KIF1B: variants seen among roughly 807,000 people sequenced by gnomAD.
KIF1B encodes kinesin-like protein KIF1B.
KIF1B carries 76 observed loss-of-function variants against 241.9 expected under a neutral mutation model. That is an observed-to-expected ratio of 0.31 (90% CI 0.26 to 0.38). The LOEUF (loss-of-function observed/expected upper bound fraction) is 0.38. Ranked by LOEUF, KIF1B falls within the 10% of genes least tolerant of loss-of-function variation. The pLI, the probability that KIF1B is intolerant of heterozygous loss-of-function variation, is 1.00. For synonymous variants in KIF1B, 750 were observed against 796.7 expected, an observed-to-expected ratio of 0.94 and a Z score of 0.99; for missense variants, 1,622 against 2,271.4, an observed-to-expected ratio of 0.71 and a Z score of 5.81.
intron 22 of KIF1B, chr1:10,306,047 C>G (rs926463283): frequency 9.6e-7 from 1 of 1,046,658 alleles, no homozygotes; most frequent in Non-Finnish European, 1.2e-6. Flanking sequence ...TTTTCCTTTG[C>G]GTGTGGGCAC....
At chr1:10,350,947 G>A (rs1287010471) in intron 37 of KIF1B, among the ~76,000 whole-genome samples, 1 of 151,988 alleles carries the variant, frequency 6.6e-6, no homozygotes, top group South Asian at 2.1e-4. Context: ...AATAAGCTGG[G>A]TGTGGTGGCT....
At chr1:10,229,323 A>T (rs1194157697) in intron 1 of KIF1B, among the ~76,000 whole-genome samples, 1 of 152,210 alleles carries the variant, frequency 6.6e-6, no homozygotes, top group Non-Finnish European at 1.5e-5. Flanking sequence ...AAACAAAAAA[A>T]TCAGTAAACT....
Position 10,311,017 on chromosome 1 carries a change from A to G in KIF1B, c.2116-9026A>G, listed in dbSNP as rs1651042576. ...ACTGGGCTTTCCCTCCTGTTAGTGG[A>G]TAAACTGTCCTTGATCCTCTCCTAG... On this transcript the variant is annotated intron_variant, in intron 22 of 48. Coordinates refer to ENST00000676179, the MANE Select transcript of KIF1B (RefSeq NM_001365951.3). Among the ~76,000 whole-genome samples the G allele has an allele frequency of 2.0e-5, 3 of 151,482 alleles. No individual in the cohort carries two copies. In the South Asian group the frequency reaches 6.2e-4, roughly 31 times the overall value.
At chr1:10,275,378 AT>A (rs761728682) in intron 10 of KIF1B, 49 bp from the exon 11 acceptor site, 5 of 1,025,550 alleles carry the variant, frequency 4.9e-6, no homozygotes, top group Non-Finnish European at 4.6e-6. Flanking sequence ...TTTCTTGGGA[AT>A]TTTTTTCCCT....
chr1:10,219,317 G>A (rs973147399), intron 1 of KIF1B, among the ~76,000 whole-genome samples: 2 of 151,820 alleles, frequency 1.3e-5, no homozygotes, highest in Non-Finnish European at 2.9e-5. Context: ...AAATTTAGCC[G>A]GGCATGGTGG....
intron 9 of KIF1B, chr1:10,272,599 A>G: frequency 2.0e-6 from 1 of 510,092 alleles, no homozygotes; most frequent in Middle Eastern, 5.4e-4. Flanking sequence ...ACAAAAACCA[A>G]GTATATTTAT....
chr1:10,274,197 C>CA (rs139057101), intron 10 of KIF1B, among the ~76,000 whole-genome samples: 24,994 of 151,998 alleles, frequency 0.16, 2,460 homozygotes, highest in African/African-American at 0.27. Flanking sequence ...CTCGGCCTCC[C>CA]AAAGTACTGG....
intron 10 of KIF1B, among the ~76,000 whole-genome samples, chr1:10,273,675 A>G (rs988474224): frequency 7.0e-6 from 1 of 143,190 alleles, no homozygotes; most frequent in Non-Finnish European, 1.5e-5. Flanking sequence ...TGGAATTAAA[A>G]TGTTTCTTGC....
intron 1 of KIF1B, 133 bp downstream of exon 1, chr1:10,211,011 G>C (rs568133415): frequency 1.3e-5 from 2 of 152,126 alleles, no homozygotes; most frequent in African/African-American, 4.8e-5. Flanking sequence ...CGGGCGCCGG[G>C]TGCGGGAGCC....
intron 7 of KIF1B, 40 bp from the exon 8 acceptor site, chr1:10,271,462 C>G (rs1648795560): frequency 2.1e-6 from 3 of 1,404,562 alleles, no homozygotes; most frequent in Admixed American, 1.7e-5. Context: ...TTCTATCTTG[C>G]TTATTTTTGA....
intron 2 of KIF1B, among the ~76,000 whole-genome samples, chr1:10,236,732 T>G (rs1325157201): frequency 6.6e-6 from 1 of 152,240 alleles, no homozygotes; most frequent in Non-Finnish European, 1.5e-5. Context: ...CTATGGCAAT[T>G]TCTTAGTAAT....
intron 1 of KIF1B, among the ~76,000 whole-genome samples, chr1:10,226,118 G>A (rs17396340): frequency 0.11 from 16,344 of 152,204 alleles, 1,038 homozygotes; most frequent in South Asian, 0.18. Flanking sequence ...AGCCTAAAAG[G>A]TAATGGTGGT....
At chr1:10,252,659 G>A (rs928011487) in intron 2 of KIF1B, among the ~76,000 whole-genome samples, 1 of 151,102 alleles carries the variant, frequency 6.6e-6, no homozygotes, top group African/African-American at 2.4e-5. Flanking sequence ...CGATCCTCCT[G>A]CCTGAGCTTC....
intron 32 of KIF1B, 128 bp downstream of exon 32, chr1:10,339,987 G>A (rs1652330121): frequency 1.0e-5 from 8 of 792,020 alleles, no homozygotes; most frequent in Admixed American, 2.0e-5. Flanking sequence ...AATAGAGGGC[G>A]TGGCTAGAGT....
intron 22 of KIF1B, among the ~76,000 whole-genome samples, chr1:10,300,149 A>G (rs1205822950): frequency 6.6e-6 from 1 of 151,624 alleles, no homozygotes; most frequent in East Asian, 1.9e-4. Context: ...AGGCAGGAGA[A>G]TTGCTTAAAC....
chr1:10,308,059 A>G (rs937570478), intron 22 of KIF1B: 3 of 1,059,074 alleles, frequency 2.8e-6, no homozygotes, highest in African/African-American at 1.6e-5. Flanking sequence ...TTTCACACCT[A>G]TGTCTGCATT....
intron 37 of KIF1B, among the ~76,000 whole-genome samples, chr1:10,351,994 CAAG>C (rs1360747803): frequency 3.5e-4 from 53 of 151,700 alleles, no homozygotes; most frequent in African/African-American, 1.3e-3. Context: ...CACAAAAAAA[CAAG>C]AAACTGTCAG....
chr1:10,238,341 G>A (rs1409943423), intron 2 of KIF1B, among the ~76,000 whole-genome samples: 2 of 143,248 alleles, frequency 1.4e-5, no homozygotes, highest in South Asian at 2.1e-4. Context: ...AGATGGAGCC[G>A]TTGCACTCCA....
intron 8 of KIF1B, 137 bp from the exon 9 acceptor site, chr1:10,272,104 A>G (rs1648832844): frequency 2.9e-6 from 2 of 682,590 alleles, no homozygotes; most frequent in Non-Finnish European, 5.3e-6. Flanking sequence ...AAGAGGACAG[A>G]TGGAGGACTA....
Sources: gnomAD v4.1 joint callset for allele counts (sites outside exome capture counted in the v4.1 genomes callset) on GRCh38, gnomAD v4.1.1 for gene constraint, MANE v1.5 for transcripts, NCBI Gene and HGNC (gene_info 2026-07-23, HGNC 2026-07-21) for gene names.